The following FZD6 variants were observed in gnomAD, a reference collection of about 807,000 sequenced individuals.
FZD6 encodes frizzled class receptor 6.
FZD6 carries 49 observed loss-of-function variants against 61.4 expected under a neutral mutation model. The observed-to-expected ratio is 0.80, with a 90% confidence interval of 0.63 to 1.01. The LOEUF (loss-of-function observed/expected upper bound fraction) is 1.01. Among genes scored for constraint, FZD6 ranks in the 50% least tolerant of loss-of-function variants. The probability of loss-of-function intolerance (pLI) is 0.00; values close to 1 mark genes in which losing one functional copy is unlikely to be tolerated. For missense variants in FZD6, 724 were observed against 848.2 expected, an observed-to-expected ratio of 0.85 and a Z score of 1.82; for synonymous variants, 265 against 292.2, an observed-to-expected ratio of 0.91 and a Z score of 0.95.
intron 5 of FZD6, among the ~76,000 whole-genome samples, chr8:103,328,643 C>T (rs765954333): frequency 5.3e-5 from 8 of 151,740 alleles, no homozygotes; most frequent in Non-Finnish European, 4.4e-5. Context: ...ATGTCTGTGA[C>T]ATATACTATT....
intron 2 of FZD6, among the ~76,000 whole-genome samples, chr8:103,305,748 T>G (rs1353791720): frequency 6.6e-6 from 1 of 152,232 alleles, no homozygotes; most frequent in Non-Finnish European, 1.5e-5. Flanking sequence ...GATGTTGCAT[T>G]GCAGTAGCAG....
chr8:103,312,217 C>T (rs1338735498), intron 2 of FZD6, among the ~76,000 whole-genome samples: 2 of 152,114 alleles, frequency 1.3e-5, no homozygotes, highest in Admixed American at 6.6e-5. Flanking sequence ...AAGGAGCCTA[C>T]CTTTTATTTC....
chr8:103,329,013 T>TTA lies in FZD6; in HGVS notation c.1541+615_1541+616dup, dbSNP rs55730772. On this transcript the variant is annotated intron_variant, in intron 5 of 6. Transcript: ENST00000358755. ...TATTTATGAGTAATTCATTTTAGTT[T>TTA]TATATATATATATATATATGCACAC... 6.5e-3 allele frequency among the ~76,000 whole-genome samples: 747 copies of TTA among 115,172 alleles called. 16 individuals carry two copies. The highest frequency in any genetic ancestry group is 0.016 in the African/African-American group (545 of 33,910). 75.6% of individuals were successfully genotyped at this position (115,172 alleles called of 152,430 possible).
At chr8:103,308,113 C>T (rs923588058) in intron 2 of FZD6, among the ~76,000 whole-genome samples, 1 of 152,180 alleles carries the variant, frequency 6.6e-6, no homozygotes, top group Non-Finnish European at 1.5e-5. Flanking sequence ...GATCTGGGCA[C>T]TCTTCTGCCA....
intron 2 of FZD6, among the ~76,000 whole-genome samples, chr8:103,310,207 C>A (rs925377232): frequency 6.6e-6 from 1 of 152,150 alleles, no homozygotes; most frequent in African/African-American, 2.4e-5. Flanking sequence ...TAGCCACCTG[C>A]AGATCAAACT....
intron 2 of FZD6, among the ~76,000 whole-genome samples, chr8:103,314,943 C>T (rs973707839): frequency 6.6e-6 from 1 of 152,072 alleles, no homozygotes; most frequent in African/African-American, 2.4e-5. Flanking sequence ...GCACTTTATC[C>T]AGAACCTGAA....
At chr8:103,302,009 A>G (rs1315349690) in intron 2 of FZD6, among the ~76,000 whole-genome samples, 1 of 151,550 alleles carries the variant, frequency 6.6e-6, no homozygotes, top group Non-Finnish European at 1.5e-5. Context: ...ACTTATAACT[A>G]ACCTTTCTCA....
At chr8:103,329,348 A>G (rs1198095255) in intron 5 of FZD6, among the ~76,000 whole-genome samples, 2 of 151,764 alleles carry the variant, frequency 1.3e-5, no homozygotes, top group Non-Finnish European at 2.9e-5. Context: ...ATACAAATAC[A>G]GTATTATGTA....
At chr8:103,315,277 CTTAAT>C (rs145320206) in intron 2 of FZD6, among the ~76,000 whole-genome samples, 1,888 of 152,194 alleles carry the variant, frequency 0.012, 35 homozygotes, top group African/African-American at 0.044. Flanking sequence ...AATCCATATC[CTTAAT>C]TTAAAGTCTC....
In FZD6 at chr8:103,300,224, G is replaced by C. The variant is rs1814118858; in HGVS notation, c.117G>C (p.Met39Ile). 6.2e-7 allele frequency: 1 copy of C among 1,612,064 alleles called. No individual in the cohort carries two copies. The highest frequency in any genetic ancestry group is 1.1e-5 in the South Asian group (1 of 91,054). Residue 39 changes from methionine to isoleucine, a missense_variant, in exon 2 of 7, where the codon ATG (methionine) becomes ATC (isoleucine). Met to Ile is a conservative substitution (Grantham distance 10). Transcript: ENST00000358755. The part of the protein sequence containing the change: ...VPRCMKMAYN[M>I]TFFPNLMGHY... The stretch of plus-strand genomic sequence containing the variant: ...GATGTATGAAAATGGCCTACAACAT[G>C]ACGTTTTTCCCTAATCTGATGGGTC...
rs1814923914 is a variant in FZD6 at position 103,325,414 on chromosome 8, C to A, written c.1308C>A (p.Val436=). ...TAGTGACACTTCTCGGATGTTACGT[C>A]TATGAGCAAGTGAACAGGATTACCT... is the stretch of plus-strand genomic sequence containing the variant. ...VPLVTLLGCY[V]YEQVNRITWE... The change falls in exon 4 of 7, where the codon GTC becomes GTA. Residue 436 remains valine (V), a synonymous_variant. Coordinates refer to ENST00000358755, the MANE Select transcript of FZD6 (RefSeq NM_003506.4). The A allele has an allele frequency of 7.4e-6, 12 of 1,613,406 alleles. No homozygotes were observed. The highest frequency in any genetic ancestry group is 1.0e-5 in the Non-Finnish European group (12 of 1,179,354).
intron 2 of FZD6, among the ~76,000 whole-genome samples, chr8:103,306,494 CTTTTTTTTTT>C (rs71292793): frequency 3.1e-5 from 2 of 65,200 alleles, no homozygotes; most frequent in Non-Finnish European, 5.4e-5. Flanking sequence ...AGGTTCATCA[CTTTTTTTTTT>C]TTTTTTTTTT....
At chr8:103,331,092 G>T (rs536218311) in intron 6 of FZD6, among the ~76,000 whole-genome samples, 1 of 152,098 alleles carries the variant, frequency 6.6e-6, no homozygotes, top group South Asian at 2.1e-4. Flanking sequence ...CAGGAGAATC[G>T]CTTGAACCCA....
chr8:103,300,054 G>T lies in FZD6; in HGVS notation c.-54G>T. The T allele has an allele frequency of 2.0e-6, 2 of 1,004,420 alleles. No individual in the cohort carries two copies. The highest frequency in any genetic ancestry group is 3.2e-6 in the Non-Finnish European group (2 of 624,846). 62.2% of individuals were successfully genotyped at this position (1,004,420 alleles called of 1,614,324 possible). A position where few individuals can be genotyped will look rare whatever the true frequency, so the allele number is the denominator to read the frequency against. On this transcript the variant is annotated 5_prime_UTR_variant, in exon 2 of 7. Coordinates refer to ENST00000358755, the MANE Select transcript of FZD6 (RefSeq NM_003506.4). ...TATCTTTGGATGGGGATCTTCTGAGGATGCAAAGAGTGATTCATCCAAGCC... is the reference window on the plus strand; with the variant it reads ...TATCTTTGGATGGGGATCTTCTGAGTATGCAAAGAGTGATTCATCCAAGCC...
intron 4 of FZD6, 89 bp from the exon 5 acceptor site, chr8:103,328,179 T>A: frequency 1.0e-6 from 1 of 973,032 alleles, no homozygotes; most frequent in Admixed American, 1.8e-5. Flanking sequence ...TGAAGATTTA[T>A]AACTTTTGTT....
Position 103,329,949 on chromosome 8 carries a change from A to G in FZD6, c.1836A>G (p.Glu612=), listed in dbSNP as rs775447318. 1 of 1,614,202 alleles carries G rather than the reference A, an allele frequency of 6.2e-7. No individual in the cohort carries two copies. The highest frequency in any genetic ancestry group is 2.2e-5 in the East Asian group (1 of 44,888). ...GAGCTAGCACCCCCAGGTTAAGAGA[A>G]CAGGACTGTGGTGAACCTGCCTCGC... ...ADGASTPRLR[E]QDCGEPASPA... Residue 612 remains glutamate, a synonymous_variant, in exon 6 of 7, where the codon GAA becomes GAG. Coordinates refer to ENST00000358755, the MANE Select transcript of FZD6 (RefSeq NM_003506.4).
chr8:103,315,173 G>A (rs1228461815), intron 2 of FZD6, among the ~76,000 whole-genome samples: 1 of 152,028 alleles, frequency 6.6e-6, no homozygotes, highest in Non-Finnish European at 1.5e-5. Flanking sequence ...TATTTCCCTT[G>A]AATCAGAATT....
Position 103,313,760 on chromosome 8 carries a change from C to CTGTGTGTGTGTGTGTGTG in FZD6, c.178-4804_178-4787dup, listed in dbSNP as rs58157848. 2.7e-4 allele frequency among the ~76,000 whole-genome samples: 39 copies of CTGTGTGTGTGTGTGTGTG among 142,838 alleles called. No homozygotes were observed. The East Asian group carries it at 5.2e-3, about 19-fold the overall frequency. The allele number at this position is 142,838 out of a possible 152,430, so 93.7% of individuals were successfully genotyped here. ...GGATCTGACCTGAGACTTGATTTTT[C>CTGTGTGTGTGTGTGTGTG]TGTGTGTGTGTGTGTGTGTGTGTGT... On this transcript the variant is annotated intron_variant, in intron 2 of 6. Transcript: ENST00000358755.
intron 2 of FZD6, among the ~76,000 whole-genome samples, chr8:103,301,379 A>G (rs555668414): frequency 6.6e-6 from 1 of 152,320 alleles, no homozygotes; most frequent in African/African-American, 2.4e-5. Context: ...ACTTTCATGA[A>G]TCAGAACCAT....
Sources: gnomAD v4.1 joint callset for allele counts (sites outside exome capture counted in the v4.1 genomes callset) on GRCh38, gnomAD v4.1.1 for gene constraint, MANE v1.5 for transcripts, NCBI Gene and HGNC (gene_info 2026-07-23, HGNC 2026-07-21) for gene names.